The following POC1B variants were observed in gnomAD, a reference collection of about 807,000 sequenced individuals.
POC1B encodes the protein POC1 centriolar protein homolog B.
A neutral mutation model predicts 60.6 loss-of-function variants in POC1B; 44 were observed. The observed-to-expected ratio is 0.73, with a 90% CI of 0.57 to 0.93. The LOEUF is 0.93. POC1B is among the 40% of genes least tolerant of loss of function. POC1B has a pLI of 0.00. For synonymous variants in POC1B, 180 were observed against 198.9 expected (o/e 0.90, Z 0.80); for missense variants, 555 against 572.3 (o/e 0.97, Z 0.31).
At position 89,510,008 on chromosome 12, in the gene POC1B, G is replaced by T. The variant is rs565028235; in HGVS notation, c.101-12666C>A. ...TTACAAGCATGCGCCACCACACTCA[G>T]TTAATTTTTTTTGTATTTTTAGTAG... On this transcript the variant is annotated intron_variant, in intron 2 of 11. Coordinates refer to ENST00000313546, the MANE Select transcript of POC1B (RefSeq NM_172240.3). 3.8e-3 allele frequency among the ~76,000 whole-genome samples: 282 copies of T among 73,600 alleles called. 2 individuals carry two copies. Among genetic ancestry groups the T allele is most frequent in the African/African-American group, 0.013 (273 of 20,460 alleles). The allele number at this position is 73,600 out of a possible 152,430, so 48.3% of individuals were successfully genotyped here. A position where few individuals can be genotyped will look rare whatever the true frequency, so the allele number is the denominator to read the frequency against.
At chr12:89,433,243 G>A (rs147382768) in intron 10 of POC1B, among the ~76,000 whole-genome samples, 412 of 152,320 alleles carry the variant, frequency 2.7e-3, no homozygotes, top group African/African-American at 9.4e-3. Flanking sequence ...GGGGCCAAAT[G>A]AGGTTTTCAT....
At chr12:89,465,877 G>A (rs1332849605) in intron 9 of POC1B, among the ~76,000 whole-genome samples, 1 of 152,186 alleles carries the variant, frequency 6.6e-6, no homozygotes, top group African/African-American at 2.4e-5. Context: ...ATACTTAGAT[G>A]CACAACTGGA....
chr12:89,500,075 G>T lies in POC1B; in HGVS notation c.101-2733C>A. The T allele has an allele frequency of 2.3e-6, 3 of 1,326,818 alleles. No individual in the cohort carries two copies. In the South Asian group the frequency reaches 3.7e-5, roughly 17 times the overall value. 82.2% of individuals were successfully genotyped at this position (1,326,818 alleles called of 1,614,324 possible). A position where few individuals can be genotyped will look rare whatever the true frequency, so the allele number is the denominator to read the frequency against. On this transcript the variant is annotated intron_variant, in intron 2 of 11. Transcript: ENST00000313546. ...GCTTCCACCTCAGACACCTGCGCTGGCTCAGCGGGGCCGGAACATGGCTGT... is the reference window on the plus strand; with the variant it reads ...GCTTCCACCTCAGACACCTGCGCTGTCTCAGCGGGGCCGGAACATGGCTGT...
At chr12:89,433,754 A>C (rs1414337543) in intron 10 of POC1B, among the ~76,000 whole-genome samples, 1 of 152,250 alleles carries the variant, frequency 6.6e-6, no homozygotes, top group African/African-American at 2.4e-5. Flanking sequence ...GGATAGTCAC[A>C]GAGTTCATCT....
chr12:89,458,966 C>G (rs1882365558), intron 10 of POC1B, among the ~76,000 whole-genome samples: 1 of 152,102 alleles, frequency 6.6e-6, no homozygotes, highest in South Asian at 2.1e-4. Flanking sequence ...TAATTTCTAT[C>G]AACAAAATTG....
At chr12:89,458,291 A>G (rs1882338246) in intron 10 of POC1B, among the ~76,000 whole-genome samples, 1 of 152,214 alleles carries the variant, frequency 6.6e-6, no homozygotes, top group Admixed American at 6.5e-5. Context: ...AATTCATTGA[A>G]CATAAACGTA....
At chr12:89,402,737 C>T in the POC1B span, among the ~76,000 whole-genome samples, 11 of 152,098 alleles carry the variant, frequency 7.2e-5, no homozygotes, top group African/African-American at 2.7e-4. Context: ...ATTCTATGGA[C>T]ATACATACTT....
At chr12:89,409,830 A>T in the POC1B span, among the ~76,000 whole-genome samples, 13 of 152,328 alleles carry the variant, frequency 8.5e-5, 1 homozygote, top group South Asian at 2.3e-3. Context: ...ACCAACCAAG[A>T]AAAGCCAAGG....
At chr12:89,405,611 A>T in the POC1B span, among the ~76,000 whole-genome samples, 1 of 138,810 alleles carries the variant, frequency 7.2e-6, no homozygotes, top group Non-Finnish European at 1.5e-5. Flanking sequence ...TGCAAGTAAT[A>T]AAAAAAAATA....
Position 89,420,068 on chromosome 12 carries a change from C to T in POC1B, c.*1085G>A, listed in dbSNP as rs1880466476. On this transcript the variant is annotated 3_prime_UTR_variant, in exon 12 of 12. Transcript: ENST00000313546. ...TACACACCATAAATGTGGACACCTC[C>T]TCCCATTTTTGTTCTTGATACAGGT... 6.6e-6 allele frequency: 1 copy of T among 152,156 alleles called. No homozygotes were observed. The highest frequency in any genetic ancestry group is 2.1e-4 in the South Asian group (1 of 4,832). 9.4% of individuals were successfully genotyped at this position (152,156 alleles called of 1,614,324 possible).
At chr12:89,512,237 G>T (rs544391938) in intron 2 of POC1B, among the ~76,000 whole-genome samples, 3 of 152,172 alleles carry the variant, frequency 2.0e-5, no homozygotes, top group African/African-American at 7.2e-5. Context: ...CTTGAATGAG[G>T]AAATAACTAA....
At position 89,524,119 on chromosome 12, in the gene POC1B, T is replaced by C. The variant is rs768104364; in HGVS notation, c.100+1001A>G. 9.3e-6 allele frequency: 15 copies of C among 1,614,042 alleles called. No homozygotes were observed. The South Asian group carries it at 9.9e-5, about 11-fold the overall frequency. ...GAGCAAAGTCGACCAGGCTTCGTTA[T>C]AGAAAGCAATGATAACAGAGGTGGT... On this transcript the variant is annotated intron_variant, in intron 2 of 11. Coordinates refer to ENST00000313546, the MANE Select transcript of POC1B (RefSeq NM_172240.3).
At chr12:89,412,848 T>TTC in the POC1B span, among the ~76,000 whole-genome samples, 1 of 119,242 alleles carries the variant, frequency 8.4e-6, no homozygotes, top group African/African-American at 4.0e-5. Flanking sequence ...CCTTCCTTCC[T>TTC]TTCCTTCCTC....
chr12:89,519,652 C>T (rs1870680276), intron 2 of POC1B: 1 of 152,534 alleles, frequency 6.6e-6, no homozygotes, highest in Admixed American at 6.5e-5. Context: ...CCAACTAAGA[C>T]TATACAACTT....
At chr12:89,421,865 G>A (rs930097967) in intron 11 of POC1B, among the ~76,000 whole-genome samples, 18 of 152,018 alleles carry the variant, frequency 1.2e-4, no homozygotes, top group Non-Finnish European at 1.9e-4. Flanking sequence ...GGACACACAC[G>A]GTTTGAATAA....
intron 9 of POC1B, among the ~76,000 whole-genome samples, chr12:89,462,371 A>G (rs1043673746): frequency 3.9e-5 from 6 of 152,178 alleles, no homozygotes; most frequent in Non-Finnish European, 7.3e-5. Context: ...CAAGTTCTCC[A>G]TGGCTGAACA....
chr12:89,427,972 T>C (rs1409516365), intron 10 of POC1B: 1 of 152,214 alleles, frequency 6.6e-6, no homozygotes, highest in South Asian at 2.1e-4. Context: ...ACAGCACTTA[T>C]CTACATGGGT....
At chr12:89,431,584 T>C (rs1309881204) in intron 10 of POC1B, among the ~76,000 whole-genome samples, 2 of 152,228 alleles carry the variant, frequency 1.3e-5, no homozygotes, top group African/African-American at 4.8e-5. Flanking sequence ...ATATCATTTA[T>C]TTTCAATGAT....
At chr12:89,513,004 C>T (rs890247271) in intron 2 of POC1B, among the ~76,000 whole-genome samples, 2 of 151,996 alleles carry the variant, frequency 1.3e-5, no homozygotes, top group African/African-American at 2.4e-5. Flanking sequence ...GTAAAAAAGA[C>T]GTTATTTCTA....
Sources: gnomAD v4.1 joint callset for allele counts (sites outside exome capture counted in the v4.1 genomes callset) on GRCh38, gnomAD v4.1.1 for gene constraint, MANE v1.5 for transcripts, NCBI Gene and HGNC (gene_info 2026-07-23, HGNC 2026-07-21) for gene names.